The following PPP1R9A variants were observed in gnomAD, a reference collection of about 807,000 sequenced individuals.
PPP1R9A encodes the protein protein phosphatase 1 regulatory subunit 9A, also known as neurabin-1.
PPP1R9A carries 59 observed loss-of-function variants against 141.9 expected under a neutral mutation model. The observed-to-expected ratio is 0.42, with a 90% CI of 0.34 to 0.52. The LOEUF (loss-of-function observed/expected upper bound fraction) is 0.52. PPP1R9A is among the 20% of genes least tolerant of loss of function. PPP1R9A has a pLI of 0.10. For synonymous variants in PPP1R9A, 500 were observed against 569.7 expected, an observed-to-expected ratio of 0.88 and a Z score of 1.74; for missense variants, 1,444 against 1,611.9, an observed-to-expected ratio of 0.90 and a Z score of 1.78.
intron 2 of PPP1R9A, among the ~76,000 whole-genome samples, chr7:95,092,293 A>G (rs1447142251): frequency 2.0e-5 from 3 of 151,626 alleles, no homozygotes; most frequent in East Asian, 3.9e-4. Context: ...GCACTGGAAC[A>G]GGCACAGCCA....
chr7:94,973,649 G>T (rs1394538508), intron 2 of PPP1R9A, among the ~76,000 whole-genome samples: 2 of 151,958 alleles, frequency 1.3e-5, no homozygotes, highest in Non-Finnish European at 1.5e-5. Flanking sequence ...TTTATTTATG[G>T]TATATAAGTC....
At chr7:94,967,052 T>TA (rs1798297777) in intron 2 of PPP1R9A, among the ~76,000 whole-genome samples, 1 of 152,174 alleles carries the variant, frequency 6.6e-6, no homozygotes, top group South Asian at 2.1e-4. Context: ...GGAGAGTGTA[T>TA]ATGTTCAGGA....
At chr7:95,022,820 G>T (rs1396922397) in intron 2 of PPP1R9A, among the ~76,000 whole-genome samples, 1 of 152,098 alleles carries the variant, frequency 6.6e-6, no homozygotes, top group East Asian at 1.9e-4. Context: ...TGCATCTCAG[G>T]GATGAAGCCA....
At position 95,269,481 on chromosome 7, in the gene PPP1R9A, CCAA is replaced by C. The variant is rs781535560; in HGVS notation, c.3102_3104del (p.Asn1034del). ...GAATCTCCTTGCCATCACCAAACCACCAACAAGAAAATATTACGAGAAAAAGGT... is the reference window on the plus strand; with the variant it reads ...GAATCTCCTTGCCATCACCAAACCACCAAGAAAATATTACGAGAAAAAGGT... On this transcript the variant is annotated inframe_deletion, in exon 14 of 20. Transcript: ENST00000433360. 1.3e-5 allele frequency: 20 copies of C among 1,581,250 alleles called. No homozygotes were observed. In the African/African-American group the frequency reaches 1.7e-4, roughly 14 times the overall value.
At chr7:95,157,203 G>A (rs898379517) in intron 4 of PPP1R9A, among the ~76,000 whole-genome samples, 4 of 152,106 alleles carry the variant, frequency 2.6e-5, no homozygotes, top group East Asian at 1.9e-4. Context: ...GCCAAGCAGC[G>A]GGAGCAGGCA....
intron 4 of PPP1R9A, among the ~76,000 whole-genome samples, chr7:95,146,398 C>G (rs1276406802): frequency 6.6e-6 from 1 of 152,086 alleles, no homozygotes; most frequent in African/African-American, 2.4e-5. Flanking sequence ...GGATATTAGC[C>G]CTTTGTCAGA....
At chr7:95,132,547 A>T (rs1043264388) in intron 4 of PPP1R9A, among the ~76,000 whole-genome samples, 1 of 152,154 alleles carries the variant, frequency 6.6e-6, no homozygotes, top group Admixed American at 6.5e-5. Context: ...GGTGAGAAAC[A>T]CACCTAGCAG....
intron 2 of PPP1R9A, among the ~76,000 whole-genome samples, chr7:95,061,052 T>G (rs1812159926): frequency 6.6e-6 from 1 of 152,178 alleles, no homozygotes; most frequent in South Asian, 2.1e-4. Flanking sequence ...AATAGAACAT[T>G]ACCTCTGACC....
At chr7:95,104,067 C>T (rs377198789) in intron 2 of PPP1R9A, among the ~76,000 whole-genome samples, 33 of 152,172 alleles carry the variant, frequency 2.2e-4, no homozygotes, top group African/African-American at 8.0e-4. Context: ...TTTAAATCTA[C>T]ACAAGACAAT....
intron 7 of PPP1R9A, among the ~76,000 whole-genome samples, chr7:95,216,640 G>A (rs878857458): frequency 3.2e-4 from 48 of 152,036 alleles, no homozygotes; most frequent in Admixed American, 1.8e-3. Flanking sequence ...CTTTTATTTC[G>A]TTGAGCAGTG....
chr7:95,165,887 C>T (rs1831166231), intron 5 of PPP1R9A, among the ~76,000 whole-genome samples: 1 of 152,072 alleles, frequency 6.6e-6, no homozygotes, highest in Non-Finnish European at 1.5e-5. Context: ...GTGGCTCATG[C>T]CTGGAATCCC....
intron 2 of PPP1R9A, among the ~76,000 whole-genome samples, chr7:94,956,682 T>G (rs1317516881): frequency 6.6e-6 from 1 of 152,064 alleles, no homozygotes; most frequent in Non-Finnish European, 1.5e-5. Flanking sequence ...CACTCCAGCC[T>G]GGGCAACAGG....
intron 5 of PPP1R9A, among the ~76,000 whole-genome samples, chr7:95,174,738 A>C (rs567499804): frequency 1.5e-3 from 231 of 152,244 alleles, no homozygotes; most frequent in Non-Finnish European, 3.0e-3. Context: ...ACTTTTTACC[A>C]GAAAATATTT....
intron 2 of PPP1R9A, among the ~76,000 whole-genome samples, chr7:95,072,774 A>C (rs1333216097): frequency 9.5e-6 from 1 of 104,798 alleles, no homozygotes; most frequent in Non-Finnish European, 1.8e-5. Context: ...ATATATATTA[A>C]ATATATATAT....
At chr7:95,019,249 G>T (rs1805546884) in intron 2 of PPP1R9A, among the ~76,000 whole-genome samples, 1 of 152,108 alleles carries the variant, frequency 6.6e-6, no homozygotes, top group South Asian at 2.1e-4. Flanking sequence ...ACAAAAATTA[G>T]TTGGGTGTGG....
At chr7:95,092,370 A>G (rs1165989550) in intron 2 of PPP1R9A, among the ~76,000 whole-genome samples, 3 of 149,340 alleles carry the variant, frequency 2.0e-5, no homozygotes, top group Non-Finnish European at 4.4e-5. Flanking sequence ...TTGATTAAAG[A>G]CTAGTTCTCT....
chr7:95,011,092 G>T (rs985991744), intron 2 of PPP1R9A, among the ~76,000 whole-genome samples: 3 of 152,060 alleles, frequency 2.0e-5, no homozygotes, highest in Non-Finnish European at 2.9e-5. Flanking sequence ...TTTCTTTAAA[G>T]ATATTTTTCA....
intron 2 of PPP1R9A, among the ~76,000 whole-genome samples, chr7:94,934,800 G>T (rs1331814305): frequency 3.3e-5 from 5 of 150,820 alleles, no homozygotes; most frequent in Non-Finnish European, 5.9e-5. Flanking sequence ...TCAAATGTGT[G>T]TGTGTGTGTA....
intron 5 of PPP1R9A, among the ~76,000 whole-genome samples, chr7:95,165,026 CT>C (rs1273536241): frequency 6.6e-6 from 1 of 152,132 alleles, no homozygotes; most frequent in Non-Finnish European, 1.5e-5. Context: ...CAATTGGCTG[CT>C]TCTACCTTAT....
Sources: gnomAD v4.1 joint callset for allele counts (sites outside exome capture counted in the v4.1 genomes callset) on GRCh38, gnomAD v4.1.1 for gene constraint, MANE v1.5 for transcripts, NCBI Gene and HGNC (gene_info 2026-07-23, HGNC 2026-07-21) for gene names.